ADARB2: variants seen among roughly 807,000 people sequenced by gnomAD.
ADARB2 encodes the protein adenosine deaminase RNA specific B2 (inactive).
In ADARB2, 25 loss-of-function variants were observed where a neutral mutation model predicts 62.2. The observed-to-expected ratio is 0.40, with a 90% CI of 0.29 to 0.56. The LOEUF is 0.56. Ranked by LOEUF, ADARB2 falls within the 20% of genes least tolerant of loss-of-function variation. The pLI, the probability that ADARB2 is intolerant of heterozygous loss-of-function variation, is 0.43. For synonymous variants in ADARB2, 572 were observed against 500.8 expected, an observed-to-expected ratio of 1.14 and a Z score of -1.90; for missense variants, 1,071 against 1,077.4, an observed-to-expected ratio of 0.99 and a Z score of 0.08.
intron 3 of ADARB2, among the ~76,000 whole-genome samples, chr10:1,357,787 C>T (rs1832210406): frequency 6.6e-6 from 1 of 152,202 alleles, no homozygotes; most frequent in African/African-American, 2.4e-5. Flanking sequence ...AGCCAACAAG[C>T]ATGGAGCGCG....
At chr10:1,576,397 G>C (rs189089212) in intron 1 of ADARB2, among the ~76,000 whole-genome samples, 1 of 151,944 alleles carries the variant, frequency 6.6e-6, no homozygotes, top group African/African-American at 2.4e-5. Flanking sequence ...AGAGTCACAG[G>C]AGGGGGCTCA....
chr10:1,509,849 C>T lies in ADARB2; in HGVS notation c.101-130689G>A, dbSNP rs546587242. Among the ~76,000 whole-genome samples the T allele has an allele frequency of 5.9e-5, 9 of 152,298 alleles. No homozygotes were observed. In the South Asian group the frequency reaches 1.9e-3, roughly 32 times the overall value. ...TATCTTAAAGGGGCATCAGCTAAAG[C>T]CATGTCTGTGGTACAAAACCATGGG... On this transcript the variant is annotated intron_variant, in intron 1 of 9. Transcript: ENST00000381312.
At chr10:1,655,781 T>C (rs771131868) in intron 1 of ADARB2, among the ~76,000 whole-genome samples, 3 of 152,258 alleles carry the variant, frequency 2.0e-5, no homozygotes, top group Non-Finnish European at 1.5e-5. Context: ...GTGTCAGTAC[T>C]GGAACAAGCG....
At chr10:1,500,202 C>T (rs1047715861) in intron 1 of ADARB2, among the ~76,000 whole-genome samples, 41 of 152,228 alleles carry the variant, frequency 2.7e-4, no homozygotes, top group African/African-American at 9.4e-4. Flanking sequence ...GTGCCCTGTT[C>T]CCATCATCCC....
At chr10:1,613,330 AAAATAT>A (rs1833594107) in intron 1 of ADARB2, among the ~76,000 whole-genome samples, 2 of 152,230 alleles carry the variant, frequency 1.3e-5, no homozygotes, top group Admixed American at 1.3e-4. Flanking sequence ...TTTTTAAGCA[AAAATAT>A]AAATATCATG....
intron 1 of ADARB2, among the ~76,000 whole-genome samples, chr10:1,401,694 G>C (rs549529628): frequency 6.6e-6 from 1 of 152,084 alleles, no homozygotes; most frequent in Non-Finnish European, 1.5e-5. Context: ...GTTTGGGAGT[G>C]GGGTCCAGGC....
chr10:1,674,782 G>C (rs1264408506), intron 1 of ADARB2, among the ~76,000 whole-genome samples: 1 of 152,178 alleles, frequency 6.6e-6, no homozygotes, highest in Non-Finnish European at 1.5e-5. Context: ...TAAAAAAACT[G>C]GGGAAAGTTT....
intron 3 of ADARB2, among the ~76,000 whole-genome samples, chr10:1,326,843 C>CCAGCGCCTCCCCACGGCA (rs1831856772): frequency 1.9e-4 from 5 of 25,722 alleles, no homozygotes; most frequent in African/African-American, 4.3e-4. Context: ...TCCCCACGGC[C>CCAGCGCCTCCCCACGGCA]CAGCGCCTCC....
Position 1,315,332 on chromosome 10 carries a change from G to A in ADARB2, c.1078-44263C>T, listed in dbSNP as rs191218613. ...AGCGCACATGGCTTCCAAGGTTTCCGCCTTCATTGATTGCTGCTGGGGCAC... is the reference window on the plus strand; with the variant it reads ...AGCGCACATGGCTTCCAAGGTTTCCACCTTCATTGATTGCTGCTGGGGCAC... On this transcript the variant is annotated intron_variant, in intron 3 of 9. Transcript: ENST00000381312. 3.0e-3 allele frequency among the ~76,000 whole-genome samples: 455 copies of A among 152,296 alleles called. 4 individuals carry two copies. The highest frequency in any genetic ancestry group is 0.01 in the African/African-American group (424 of 41,566).
At chr10:1,457,224 T>C (rs192978431) in intron 1 of ADARB2, among the ~76,000 whole-genome samples, 11 of 152,312 alleles carry the variant, frequency 7.2e-5, no homozygotes, top group South Asian at 2.1e-4. Context: ...GAAATAAATT[T>C]AGACATAAGG....
intron 1 of ADARB2, among the ~76,000 whole-genome samples, chr10:1,708,085 G>A (rs997849300): frequency 1.3e-5 from 2 of 152,236 alleles, no homozygotes; most frequent in African/African-American, 4.8e-5. Flanking sequence ...AATGCTGGAA[G>A]GCAGAGGCAA....
intron 8 of ADARB2, among the ~76,000 whole-genome samples, chr10:1,195,102 C>T (rs981482333): frequency 5.9e-5 from 9 of 152,226 alleles, no homozygotes; most frequent in Admixed American, 3.3e-4. Context: ...CCTTAGCCTC[C>T]CGTGGGTGCT....
intron 1 of ADARB2, among the ~76,000 whole-genome samples, chr10:1,413,020 G>A (rs888067920): frequency 6.6e-6 from 1 of 152,194 alleles, no homozygotes; most frequent in African/African-American, 2.4e-5. Flanking sequence ...TCGGGCTGTG[G>A]GCTCCATGGG....
chr10:1,734,547 C>G (rs1835276199), intron 1 of ADARB2, among the ~76,000 whole-genome samples: 2 of 152,238 alleles, frequency 1.3e-5, no homozygotes, highest in South Asian at 4.2e-4. Context: ...CCAGATGTCA[C>G]CACACTGGGA....
chr10:1,657,155 G>T (rs1467917569), intron 1 of ADARB2, among the ~76,000 whole-genome samples: 1 of 152,094 alleles, frequency 6.6e-6, no homozygotes, highest in Non-Finnish European at 1.5e-5. Flanking sequence ...TCGAAAAGAG[G>T]TCTTCAGATT....
intron 1 of ADARB2, among the ~76,000 whole-genome samples, chr10:1,407,803 C>A (rs562367373): frequency 2.6e-5 from 4 of 152,212 alleles, no homozygotes; most frequent in Non-Finnish European, 5.9e-5. Flanking sequence ...TGCTCTCGCC[C>A]GGCCTCCATC....
chr10:1,666,227 G>C (rs1488783133), intron 1 of ADARB2, among the ~76,000 whole-genome samples: 1 of 152,238 alleles, frequency 6.6e-6, no homozygotes, highest in African/African-American at 2.4e-5. Context: ...GTGCCAGGGT[G>C]ACAGAGCCAG....
At chr10:1,674,685 G>T (rs533116500) in intron 1 of ADARB2, among the ~76,000 whole-genome samples, 1 of 152,054 alleles carries the variant, frequency 6.6e-6, no homozygotes, top group African/African-American at 2.4e-5. Context: ...CTACCTGACC[G>T]GTCCCGGAGG....
At chr10:1,441,823 A>G (rs1830910403) in intron 1 of ADARB2, among the ~76,000 whole-genome samples, 1 of 152,208 alleles carries the variant, frequency 6.6e-6, no homozygotes, top group Admixed American at 6.5e-5. Context: ...GAGGGAATTG[A>G]GCTTAGAGAA....
Sources: gnomAD v4.1 joint callset for allele counts (sites outside exome capture counted in the v4.1 genomes callset) on GRCh38, gnomAD v4.1.1 for gene constraint, MANE v1.5 for transcripts, NCBI Gene and HGNC (gene_info 2026-07-23, HGNC 2026-07-21) for gene names.